The following STPG2 variants were observed in gnomAD, a reference collection of about 807,000 sequenced individuals.
The protein encoded by STPG2 is sperm-tail PG-rich repeat-containing protein 2.
In STPG2, 56 loss-of-function variants were observed where a neutral mutation model predicts 54.2. The ratio of observed to expected loss-of-function variants is 1.03; its 90% CI spans 0.83 to 1.29. STPG2 has a LOEUF of 1.29. STPG2 is among the 50% of genes most tolerant of loss of function. The pLI is 0.00. For missense variants in STPG2, 596 were observed against 544.9 expected, an observed-to-expected ratio of 1.09 and a Z score of -0.93; for synonymous variants, 200 against 181.8, an observed-to-expected ratio of 1.10 and a Z score of -0.81.
At chr4:97,878,614 C>G (rs1261311849) in intron 8 of STPG2, among the ~76,000 whole-genome samples, 1 of 152,178 alleles carries the variant, frequency 6.6e-6, no homozygotes, top group Non-Finnish European at 1.5e-5. Flanking sequence ...GGCACCAAGT[C>G]CCTAGGCACA....
intron 9 of STPG2, among the ~76,000 whole-genome samples, chr4:97,810,723 G>T (rs1727709021): frequency 6.6e-6 from 1 of 151,948 alleles, no homozygotes; most frequent in African/African-American, 2.4e-5. Flanking sequence ...ATCTCATAAT[G>T]ACAATATACT....
Position 97,483,294 on chromosome 4 carries a change from A to G in STPG2, c.462+229405T>C, listed in dbSNP as rs577260949. ...TAAAAGGTACAGAACTGCAGAATGGATAAGAACTCACCAACCAACTATCTG... is the reference window on the plus strand; with the variant it reads ...TAAAAGGTACAGAACTGCAGAATGGGTAAGAACTCACCAACCAACTATCTG... On this transcript the variant is annotated intron_variant, in intron 4 of 4. Coordinates refer to the STPG2 transcript ENST00000522676. Among the ~76,000 whole-genome samples the G allele has an allele frequency of 5.9e-5, 9 of 151,832 alleles. No individual in the cohort carries two copies. The South Asian group carries it at 1.9e-3, about 31-fold the overall frequency.
At chr4:97,467,224 T>C (rs1389980048) in intron 4 of STPG2, among the ~76,000 whole-genome samples, 1 of 151,948 alleles carries the variant, frequency 6.6e-6, no homozygotes. Flanking sequence ...AATGAGTATT[T>C]TTCATTTTCA....
intron 9 of STPG2, among the ~76,000 whole-genome samples, chr4:97,817,230 T>C (rs1246208247): frequency 6.7e-6 from 1 of 149,900 alleles, no homozygotes; most frequent in Non-Finnish European, 1.5e-5. Context: ...GAAGATTCAA[T>C]TAGTGTGTAT....
At chr4:98,142,669 G>A (rs1398184384) in intron 1 of STPG2, among the ~76,000 whole-genome samples, 1 of 152,124 alleles carries the variant, frequency 6.6e-6, no homozygotes, top group Non-Finnish European at 1.5e-5. Flanking sequence ...AAGATGTGAG[G>A]CAGGCAGGAT....
At chr4:97,961,109 C>G (rs1733870763) in intron 7 of STPG2, among the ~76,000 whole-genome samples, 1 of 151,678 alleles carries the variant, frequency 6.6e-6, no homozygotes, top group Non-Finnish European at 1.5e-5. Flanking sequence ...AAAAAACACC[C>G]TATTCAACAA....
At chr4:97,477,533 G>C (rs1183185297) in intron 4 of STPG2, among the ~76,000 whole-genome samples, 1 of 146,522 alleles carries the variant, frequency 6.8e-6, no homozygotes, top group African/African-American at 2.5e-5. Context: ...CAGGAGTGCA[G>C]TGGCACGATC....
chr4:98,084,388 G>C (rs959974849), intron 5 of STPG2, among the ~76,000 whole-genome samples: 1 of 152,078 alleles, frequency 6.6e-6, no homozygotes, highest in East Asian at 1.9e-4. Context: ...TCAGTTTGGG[G>C]AAATAGTCAT....
At chr4:97,974,260 T>C (rs146657385) in intron 6 of STPG2, among the ~76,000 whole-genome samples, 297 of 152,276 alleles carry the variant, frequency 2.0e-3, no homozygotes, top group African/African-American at 7.0e-3. Flanking sequence ...AATGGGTGTG[T>C]TTACCCAAGG....
chr4:97,865,335 T>A (rs539676374), intron 8 of STPG2, among the ~76,000 whole-genome samples: 2 of 152,088 alleles, frequency 1.3e-5, no homozygotes, highest in Non-Finnish European at 2.9e-5. Context: ...AAAAGACACA[T>A]GAAAAAATGC....
chr4:97,635,984 A>C (rs1721505361), intron 10 of STPG2, among the ~76,000 whole-genome samples: 1 of 152,110 alleles, frequency 6.6e-6, no homozygotes, highest in South Asian at 2.1e-4. Context: ...CTCTGCACCA[A>C]GTGGACCTAA....
chr4:97,907,190 T>C (rs1464433861), intron 8 of STPG2, among the ~76,000 whole-genome samples: 2 of 151,758 alleles, frequency 1.3e-5, no homozygotes, highest in Non-Finnish European at 1.5e-5. Context: ...AAAATCAATG[T>C]ACAAAAATCA....
intron 9 of STPG2, among the ~76,000 whole-genome samples, chr4:97,742,437 C>T (rs1022929071): frequency 1.3e-5 from 2 of 150,900 alleles, no homozygotes; most frequent in Admixed American, 1.3e-4. Context: ...GATAGCTGCA[C>T]TGCCATGTTC....
chr4:97,693,310 A>ACT (rs1402284145), intron 10 of STPG2, among the ~76,000 whole-genome samples: 11 of 152,006 alleles, frequency 7.2e-5, no homozygotes, highest in Non-Finnish European at 1.6e-4. Context: ...GAGTATAAGG[A>ACT]CTCACATAAA....
chr4:97,794,329 GCTTCTAA>G (rs1169415486), intron 9 of STPG2, among the ~76,000 whole-genome samples: 2 of 152,016 alleles, frequency 1.3e-5, no homozygotes, highest in African/African-American at 2.4e-5. Flanking sequence ...GACAATGAAA[GCTTCTAA>G]CAAAACAGAA....
At chr4:97,897,544 T>TC (rs1392179962) in intron 8 of STPG2, among the ~76,000 whole-genome samples, 1 of 152,140 alleles carries the variant, frequency 6.6e-6, no homozygotes, top group Non-Finnish European at 1.5e-5. Context: ...GCATTCTTTT[T>TC]TCTCTGCAAC....
rs187683866 is a variant in STPG2 at position 97,783,892 on chromosome 4, G to A, written c.1204+56881C>T. ...ATGCGAACACTTGGACACAGGAAGC[G>A]GAACATCACACACTGCGGCCAGTCA... On this transcript the variant is annotated intron_variant, in intron 9 of 10. Coordinates refer to ENST00000295268, the MANE Select transcript of STPG2 (RefSeq NM_174952.3). 2.4e-3 allele frequency among the ~76,000 whole-genome samples: 365 copies of A among 152,008 alleles called. 2 individuals are homozygous for A. Among genetic ancestry groups the A allele is most frequent in the Admixed American group, 1.1e-3 (17 of 15,274 alleles).
At chr4:97,733,338 G>A (rs569928236) in intron 9 of STPG2, among the ~76,000 whole-genome samples, 4 of 152,168 alleles carry the variant, frequency 2.6e-5, no homozygotes, top group Admixed American at 2.0e-4. Flanking sequence ...TAACACAGGA[G>A]TGGAAAATCA....
chr4:98,077,938 G>A (rs1480867143), intron 5 of STPG2, among the ~76,000 whole-genome samples: 1 of 152,054 alleles, frequency 6.6e-6, no homozygotes, highest in Non-Finnish European at 1.5e-5. Context: ...CATTCTCTTT[G>A]TTCCTGGATA....
Sources: gnomAD v4.1 joint callset for allele counts (sites outside exome capture counted in the v4.1 genomes callset) on GRCh38, gnomAD v4.1.1 for gene constraint, MANE v1.5 for transcripts, NCBI Gene and HGNC (gene_info 2026-07-23, HGNC 2026-07-21) for gene names.